CPXM2: variants seen among roughly 807,000 people sequenced by gnomAD.
CPXM2 encodes inactive carboxypeptidase-like protein X2.
Under a neutral mutation model 86.1 loss-of-function variants are expected in CPXM2, and 66 were observed. The observed-to-expected ratio is 0.77, with a 90% CI of 0.63 to 0.94. CPXM2 has a LOEUF of 0.94. CPXM2 is among the 40% of genes least tolerant of loss of function. The pLI is 0.00. For missense variants in CPXM2, 948 were observed against 1,026.3 expected, an observed-to-expected ratio of 0.92 and a Z score of 1.04; for synonymous variants, 388 against 400.2, an observed-to-expected ratio of 0.97 and a Z score of 0.36.
chr10:123,813,368 T>C (rs1847736317), intron 4 of CPXM2, among the ~76,000 whole-genome samples: 1 of 152,206 alleles, frequency 6.6e-6, no homozygotes, highest in African/African-American at 2.4e-5. Context: ...AGATCACTTG[T>C]TTCCTATTTC....
At chr10:123,864,183 G>C (rs1413527073) in intron 2 of CPXM2, among the ~76,000 whole-genome samples, 1 of 152,010 alleles carries the variant, frequency 6.6e-6, no homozygotes, top group Non-Finnish European at 1.5e-5. Context: ...TCCTGCCTTA[G>C]ACACAGTCAG....
chr10:123,936,601 C>A lies in CPXM2; in HGVS notation n.174+2876G>T, dbSNP rs758857516. On this transcript the variant is annotated intron_variant and non_coding_transcript_variant, in intron 2 of 19. Coordinates refer to the CPXM2 transcript ENST00000368854. ...GAAAATGCAACTCCCAGAAGCCTTG[C>A]AAAGGAATGAAGGTCTTGACCGAAT... 2.6e-5 allele frequency among the ~76,000 whole-genome samples: 4 copies of A among 152,200 alleles called. No individual in the cohort carries two copies. In the South Asian group the frequency reaches 6.2e-4, roughly 24 times the overall value.
chr10:123,933,548 T>C (rs1322095579), intron 2 of CPXM2, among the ~76,000 whole-genome samples: 3 of 151,994 alleles, frequency 2.0e-5, no homozygotes, highest in Non-Finnish European at 4.4e-5. Context: ...TGAAACCCCA[T>C]CTCTACTAAA....
At chr10:123,806,742 G>C (rs1419603037) in intron 4 of CPXM2, among the ~76,000 whole-genome samples, 1 of 152,118 alleles carries the variant, frequency 6.6e-6, no homozygotes, top group African/African-American at 2.4e-5. Flanking sequence ...GTGGCGGCAG[G>C]AGACAGAGAG....
chr10:123,918,762 C>A (rs74162976), intron 2 of CPXM2, among the ~76,000 whole-genome samples: 3,412 of 152,260 alleles, frequency 0.022, 122 homozygotes, highest in African/African-American at 0.078. Flanking sequence ...GGAAGCCATA[C>A]AAGCATGTAA....
chr10:123,783,592 C>T (rs914073154), intron 6 of CPXM2, among the ~76,000 whole-genome samples: 1 of 152,180 alleles, frequency 6.6e-6, no homozygotes, highest in Non-Finnish European at 1.5e-5. Flanking sequence ...GCCAACCTGC[C>T]AGTCTGCAAG....
At chr10:123,877,745 CT>C in intron 2 of CPXM2, among the ~76,000 whole-genome samples, 1 of 152,320 alleles carries the variant, frequency 6.6e-6, no homozygotes, top group East Asian at 1.9e-4. Context: ...ACTCAACCAA[CT>C]TCTTAAACTA....
Position 123,865,053 on chromosome 10 carries a change from T to C in CPXM2, c.404-2330A>G, listed in dbSNP as rs899930087. 1.3e-5 allele frequency among the ~76,000 whole-genome samples: 2 copies of C among 152,196 alleles called. No individual in the cohort carries two copies. Among genetic ancestry groups the C allele is most frequent in the Non-Finnish European group, 2.9e-5 (2 of 68,036 alleles). ...AGCTGCCACATCTAACAGCCATTCT[T>C]GTCCACTCCTGTGATGGTGTCACGG... is the stretch of plus-strand genomic sequence containing the variant. On this transcript the variant is annotated intron_variant, in intron 2 of 13. Transcript: ENST00000241305. The surrounding 1 kb of genome is among the most constrained non-coding windows in gnomAD (Gnocchi z 4.7).
intron 2 of CPXM2, among the ~76,000 whole-genome samples, chr10:123,870,007 C>T (rs924657374): frequency 1.3e-5 from 2 of 152,000 alleles, no homozygotes; most frequent in Non-Finnish European, 1.5e-5. Flanking sequence ...CGTTATGAGT[C>T]GTGTCATGAA....
chr10:123,805,362 C>G (rs866411332), intron 4 of CPXM2, among the ~76,000 whole-genome samples: 26 of 152,012 alleles, frequency 1.7e-4, no homozygotes, highest in African/African-American at 6.0e-4. Flanking sequence ...TCCCTCTGAG[C>G]ACTCTTTAGT....
At chr10:123,823,437 G>A (rs1439480738) in intron 4 of CPXM2, among the ~76,000 whole-genome samples, 1 of 152,158 alleles carries the variant, frequency 6.6e-6, no homozygotes, top group East Asian at 1.9e-4. Flanking sequence ...TAACTAGTAA[G>A]AGGTACCTAG....
At position 123,841,419 on chromosome 10, in the gene CPXM2, T is replaced by C. The variant is rs529213092; in HGVS notation, c.653+930A>G. ...TCTTGAACTGTACAGTTTTGTGGTA[T>C]TAAGTTCATTCACATTGATTTGCAA... On this transcript the variant is annotated intron_variant, in intron 4 of 13. Coordinates refer to ENST00000241305, the MANE Select transcript of CPXM2 (RefSeq NM_198148.3). 4.6e-5 allele frequency among the ~76,000 whole-genome samples: 7 copies of C among 152,372 alleles called. 1 individual carries two copies. The South Asian group carries it at 1.2e-3, about 27-fold the overall frequency.
rs540469643 is a variant in CPXM2 at position 123,747,854 on chromosome 10, G to A, written c.2018-837C>T. Among the ~76,000 whole-genome samples the A allele has an allele frequency of 8.6e-5, 13 of 151,018 alleles. No homozygotes were observed. In the South Asian group the frequency reaches 1.7e-3, roughly 20 times the overall value. On this transcript the variant is annotated intron_variant, in intron 13 of 13. Transcript: ENST00000241305. ...GGAGAATCACTTGAACCCAGGAGGC[G>A]GAGGTTGCAGTGAGCTGGGATCACG...
intron 2 of CPXM2, among the ~76,000 whole-genome samples, chr10:123,938,136 G>A (rs1945740142): frequency 6.6e-6 from 1 of 151,978 alleles, no homozygotes; most frequent in Non-Finnish European, 1.5e-5. Flanking sequence ...TTCTCTCAGT[G>A]GTCAATGTTT....
At chr10:123,898,614 G>A (rs1347876587) in intron 2 of CPXM2, among the ~76,000 whole-genome samples, 1 of 152,298 alleles carries the variant, frequency 6.6e-6, no homozygotes, top group East Asian at 1.9e-4. Flanking sequence ...TCCAGCCTGG[G>A]CAACAGAGTG....
chr10:123,779,369 T>C (rs1314044072), intron 7 of CPXM2, among the ~76,000 whole-genome samples: 1 of 152,230 alleles, frequency 6.6e-6, no homozygotes, highest in Non-Finnish European at 1.5e-5. Context: ...GGTATGCAAA[T>C]GCTGTCAAAA....
chr10:123,902,346 A>G (rs1945390763), intron 2 of CPXM2, among the ~76,000 whole-genome samples: 1 of 152,198 alleles, frequency 6.6e-6, no homozygotes, highest in Admixed American at 6.5e-5. Flanking sequence ...GCCTTAGTTT[A>G]CACATCTGCA....
chr10:123,780,722 C>A (rs1846914226), intron 6 of CPXM2, among the ~76,000 whole-genome samples: 1 of 140,038 alleles, frequency 7.1e-6, no homozygotes, highest in African/African-American at 2.8e-5. Context: ...AGCCTTTTAC[C>A]CAGCATTCAT....
chr10:123,806,159 A>G (rs1004332166), intron 4 of CPXM2, among the ~76,000 whole-genome samples: 2 of 152,116 alleles, frequency 1.3e-5, no homozygotes, highest in Non-Finnish European at 2.9e-5. Flanking sequence ...TTTTAAACCA[A>G]GTATGCTGAT....
Sources: gnomAD v4.1 joint callset for allele counts (sites outside exome capture counted in the v4.1 genomes callset) on GRCh38, gnomAD v4.1.1 for gene constraint, Gnocchi (gnomAD v3.1) non-coding constraint, MANE v1.5 for transcripts, NCBI Gene and HGNC (gene_info 2026-07-23, HGNC 2026-07-21) for gene names.